The following PLCZ1 variants were observed in gnomAD, a reference collection of about 807,000 sequenced individuals.
The protein encoded by PLCZ1 is phospholipase C zeta 1, also known as 1-phosphatidylinositol 4,5-bisphosphate phosphodiesterase zeta-1.
PLCZ1 carries 64 observed loss-of-function variants against 76.8 expected under a neutral mutation model. The ratio of observed to expected loss-of-function variants is 0.83; its 90% CI spans 0.68 to 1.03. PLCZ1 has a LOEUF of 1.03. Ranked by LOEUF, PLCZ1 falls within the 50% of genes least tolerant of loss-of-function variation. The probability of loss-of-function intolerance (pLI) is 0.00; values close to 1 mark genes in which losing one functional copy is unlikely to be tolerated. For missense variants in PLCZ1, 751 were observed against 713.7 expected, an observed-to-expected ratio of 1.05 and a Z score of -0.60; for synonymous variants, 248 against 230.8, an observed-to-expected ratio of 1.07 and a Z score of -0.68.
At position 18,733,177 on chromosome 12, in the gene PLCZ1, T is replaced by A. The variant is rs145277429; in HGVS notation, c.135+3044A>T. ...AGGTATGAGGTGATAGCTCATGTGA[T>A]TTGATTTGCATTTCCCTGATGATTA... On this transcript the variant is annotated intron_variant, in intron 3 of 14. Coordinates refer to ENST00000266505, the MANE Select transcript of PLCZ1 (RefSeq NM_033123.4). Among the ~76,000 whole-genome samples, 784 of 152,338 alleles carry A rather than the reference T, an allele frequency of 5.1e-3. 4 individuals are homozygous for A. The highest frequency in any genetic ancestry group is 0.018 in the African/African-American group (736 of 41,580).
intron 6 of PLCZ1, among the ~76,000 whole-genome samples, chr12:18,707,396 GC>G (rs1956735963): frequency 6.6e-6 from 1 of 152,000 alleles, no homozygotes; most frequent in Non-Finnish European, 1.5e-5. Context: ...CTTCCATGAG[GC>G]CCTGATGTCA....
At chr12:18,658,912 T>A in the PLCZ1 span, among the ~76,000 whole-genome samples, 1 of 150,408 alleles carries the variant, frequency 6.6e-6, no homozygotes, top group African/African-American at 2.5e-5. Context: ...ATTTTTGTAT[T>A]TTTTTTGTAC....
chr12:18,693,562 T>C (rs1420807020), intron 12 of PLCZ1: 18 of 1,603,740 alleles, frequency 1.1e-5, no homozygotes, highest in Non-Finnish European at 1.5e-5. Context: ...ACCTAGGTGA[T>C]GGGCCCAAAC....
chr12:18,704,657 A>G (rs1023313664), intron 7 of PLCZ1, among the ~76,000 whole-genome samples: 1 of 152,118 alleles, frequency 6.6e-6, no homozygotes, highest in African/African-American at 2.4e-5. Flanking sequence ...AGACAGCCAG[A>G]GAGAGAAGTG....
intron 12 of PLCZ1, chr12:18,693,767 A>ATAT: frequency 6.6e-7 from 1 of 1,517,418 alleles, no homozygotes; most frequent in Non-Finnish European, 9.1e-7. Context: ...TATCATGGCC[A>ATAT]CAAACCAAAT....
chr12:18,737,542 T>G (rs1959511767), intron 1 of PLCZ1, 33 bp from the exon 2 acceptor site: 5 of 909,526 alleles, frequency 5.5e-6, no homozygotes, highest in Non-Finnish European at 8.8e-6. Context: ...ACAGTGGTTT[T>G]TTTTGCCTTC....
intron 3 of PLCZ1, among the ~76,000 whole-genome samples, chr12:18,725,717 T>C (rs1373225530): frequency 2.6e-5 from 4 of 152,160 alleles, no homozygotes; most frequent in Non-Finnish European, 4.4e-5. Context: ...GTGCTCTGAA[T>C]TAGTTGCAGT....
the PLCZ1 span, among the ~76,000 whole-genome samples, chr12:18,647,482 T>C: frequency 1.1e-4 from 17 of 152,146 alleles, no homozygotes; most frequent in South Asian, 1.7e-3. Flanking sequence ...CTGCTTTTCC[T>C]CATTAACCTT....
downstream of PLCZ1, among the ~76,000 whole-genome samples, chr12:18,680,190 G>A (rs767551037): frequency 6.6e-6 from 1 of 151,974 alleles, no homozygotes; most frequent in African/African-American, 2.4e-5. Context: ...CCAGTAAAAT[G>A]TCCATTGTTC....
the PLCZ1 span, among the ~76,000 whole-genome samples, chr12:18,653,414 A>G: frequency 0.11 from 17,362 of 152,200 alleles, 1,113 homozygotes; most frequent in Middle Eastern, 0.2. Flanking sequence ...GAATACTCTC[A>G]ATGCAATGGG....
chr12:18,716,543 TTC>T (rs1184308869), intron 5 of PLCZ1, among the ~76,000 whole-genome samples: 2 of 152,116 alleles, frequency 1.3e-5, no homozygotes, highest in Non-Finnish European at 2.9e-5. Flanking sequence ...CAGAGAAAAT[TTC>T]TCTCTCATTC....
At chr12:18,737,318 G>A (rs752436687) in intron 2 of PLCZ1, 43 bp downstream of exon 2, 76 of 1,586,804 alleles carry the variant, frequency 4.8e-5, no homozygotes, top group African/African-American at 6.7e-5. Flanking sequence ...AGGATAAGTA[G>A]GAGAAAGAAG....
At chr12:18,721,180 G>C (rs1224128899) in intron 4 of PLCZ1, among the ~76,000 whole-genome samples, 1 of 151,980 alleles carries the variant, frequency 6.6e-6, no homozygotes, top group East Asian at 1.9e-4. Flanking sequence ...AATATCTTTG[G>C]TAATGGAATA....
In PLCZ1 at chr12:18,701,717, A is replaced by G; in HGVS notation, c.924T>C (p.His308=). 1 of 1,611,858 alleles carries G rather than the reference A, an allele frequency of 6.2e-7. No homozygotes were observed. The highest frequency in any genetic ancestry group is 8.5e-7 in the Non-Finnish European group (1 of 1,179,558). ...NKKIGTLKET[H]ERKGSDKRGD... ...CACGCTTATCAGAACCTTTTCTTTC[A>G]TGGGTTTCCTTTAAGGTTCCTATTT... The change falls in exon 8 of 15, where the codon CAT becomes CAC. Residue 308 remains histidine, a synonymous_variant. Transcript: ENST00000266505.
At chr12:18,711,251 G>A (rs1396824987) in intron 6 of PLCZ1, among the ~76,000 whole-genome samples, 1 of 151,296 alleles carries the variant, frequency 6.6e-6, no homozygotes, top group Non-Finnish European at 1.5e-5. Flanking sequence ...GGATGAAACT[G>A]GAAACCATCA....
intron 13 of PLCZ1, among the ~76,000 whole-genome samples, chr12:18,687,455 A>G (rs756500545): frequency 1.6e-4 from 24 of 152,118 alleles, no homozygotes; most frequent in Non-Finnish European, 3.2e-4. Flanking sequence ...CCAGGAACCT[A>G]TCCTTTTCTA....
chr12:18,698,101 C>A (rs73060541), intron 10 of PLCZ1, among the ~76,000 whole-genome samples: 3 of 151,530 alleles, frequency 2.0e-5, no homozygotes, highest in Non-Finnish European at 1.5e-5. Flanking sequence ...CATGAAGGAA[C>A]AGAGACCAGT....
chr12:18,721,063 A>G (rs769138146), intron 4 of PLCZ1, among the ~76,000 whole-genome samples: 1 of 152,132 alleles, frequency 6.6e-6, no homozygotes, highest in Non-Finnish European at 1.5e-5. Context: ...GTATGGAGCA[A>G]ATGAATCATG....
intron 5 of PLCZ1, among the ~76,000 whole-genome samples, chr12:18,718,605 GC>G (rs1283009721): frequency 4.0e-5 from 6 of 151,854 alleles, no homozygotes; most frequent in African/African-American, 1.5e-4. Context: ...TGTTTCTAAG[GC>G]TTCCTGTATC....
Sources: allele counts gnomAD v4.1 joint callset (sites outside exome capture counted in the v4.1 genomes callset), GRCh38; gene constraint gnomAD v4.1.1; transcripts MANE v1.5; gene names NCBI Gene and HGNC (gene_info 2026-07-23, HGNC 2026-07-21).